Variants in EVL observed in about 807,000 individuals in gnomAD.
EVL encodes the protein Enah/Vasp-like, also known as ena/VASP-like protein.
EVL carries 21 observed loss-of-function variants against 59.6 expected under a neutral mutation model. The observed-to-expected ratio is 0.35, with a 90% CI of 0.25 to 0.51. The LOEUF (loss-of-function observed/expected upper bound fraction) is 0.51, where lower values mean the gene tolerates loss of function less well. Among genes scored for constraint, EVL ranks in the 20% least tolerant of loss-of-function variants. EVL has a pLI of 0.97. For synonymous variants in EVL, 198 were observed against 203.5 expected, an observed-to-expected ratio of 0.97 and a Z score of 0.23; for missense variants, 462 against 546.6, an observed-to-expected ratio of 0.85 and a Z score of 1.54.
rs114481889 is a variant in EVL, at chr14:99,989,496, A to T, written c.5+17439A>T. ...TCCCATATCTTTATAATAAAGTCAT[A>T]ACTCCTAGAGAGTATGCAAAGTCTT... On this transcript the variant is annotated intron_variant, in intron 1 of 13. Coordinates refer to the EVL transcript ENST00000402714. 4.3e-3 allele frequency among the ~76,000 whole-genome samples: 660 copies of T among 152,316 alleles called. 4 individuals are homozygous for T. The highest frequency in any genetic ancestry group is 0.015 in the African/African-American group (629 of 41,582).
chr14:100,092,454 G>C (rs973239668), intron 2 of EVL, among the ~76,000 whole-genome samples: 6 of 152,178 alleles, frequency 3.9e-5, no homozygotes, highest in African/African-American at 7.2e-5. Context: ...TAAGAATTCA[G>C]CCAGACTCAG....
intron 1 of EVL, among the ~76,000 whole-genome samples, chr14:100,006,019 C>CG (rs1555411924): frequency 9.3e-5 from 14 of 151,036 alleles, no homozygotes; most frequent in African/African-American, 3.4e-4. Flanking sequence ...TCCCCCCCCC[C>CG]CCCCACACCG....
At chr14:100,062,222 G>A (rs77368566), upstream of EVL, among the ~76,000 whole-genome samples, 300 of 149,504 alleles carry the variant, frequency 2.0e-3, no homozygotes, top group African/African-American at 3.0e-3. Flanking sequence ...ATATATATAT[G>A]TATATATATA....
At chr14:99,998,976 A>C (rs1020887253) in intron 1 of EVL, among the ~76,000 whole-genome samples, 19 of 152,020 alleles carry the variant, frequency 1.2e-4, no homozygotes, top group African/African-American at 4.3e-4. Context: ...TATACTGTCT[A>C]TACTTTTATA....
At chr14:100,138,278 C>G (rs887495409) in intron 11 of EVL, 1 of 166,006 alleles carries the variant, frequency 6.0e-6, no homozygotes. Flanking sequence ...AGCCCTACCC[C>G]TTTCCTCCAG....
chr14:100,088,891 T>C (rs981160751), intron 2 of EVL, among the ~76,000 whole-genome samples: 1 of 152,150 alleles, frequency 6.6e-6, no homozygotes, highest in African/African-American at 2.4e-5. Flanking sequence ...ATTTTTAAAA[T>C]AAAGCTGATA....
chr14:100,064,968 C>T (rs1302780679), upstream of EVL, among the ~76,000 whole-genome samples: 1 of 152,176 alleles, frequency 6.6e-6, no homozygotes, highest in East Asian at 1.9e-4. Context: ...GTCTTCTATT[C>T]TCTGGAGAGT....
At chr14:100,042,242 G>C (rs752701675) in intron 1 of EVL, among the ~76,000 whole-genome samples, 5 of 152,038 alleles carry the variant, frequency 3.3e-5, no homozygotes, top group Non-Finnish European at 5.9e-5. Context: ...TCAAGTGCTC[G>C]GTAGTCACAC....
At chr14:100,124,472 G>A (rs1029771826) in intron 4 of EVL, among the ~76,000 whole-genome samples, 1 of 152,212 alleles carries the variant, frequency 6.6e-6, no homozygotes, top group Non-Finnish European at 1.5e-5. Flanking sequence ...CCGTTTCCCG[G>A]TTTGAAGATG....
rs917238620 is a variant in EVL at position 100,127,388 on chromosome 14, C to T, written c.487+617C>T. Among the ~76,000 whole-genome samples, 1 of 152,194 alleles carries T rather than the reference C, an allele frequency of 6.6e-6. No individual in the cohort carries two copies. Among genetic ancestry groups the T allele is most frequent in the Non-Finnish European group, 1.5e-5 (1 of 68,040 alleles). ...TTTCTCAAACACCCTATGAAGTGAG[C>T]AGGTGACTATTATCCTGTTGACTGA... On this transcript the variant is annotated intron_variant, in intron 5 of 13. Transcript: ENST00000392920. The surrounding 1 kb of genome is among the most constrained non-coding windows in gnomAD (Gnocchi z 4.2).
At chr14:99,987,312 G>A (rs994480874) in intron 1 of EVL, among the ~76,000 whole-genome samples, 39 of 152,140 alleles carry the variant, frequency 2.6e-4, no homozygotes, top group Non-Finnish European at 4.7e-4. Context: ...AGGTCATGAG[G>A]GTTGAACTCT....
chr14:100,050,436 A>C (rs1206740357), intron 1 of EVL, among the ~76,000 whole-genome samples: 3 of 149,646 alleles, frequency 2.0e-5, no homozygotes, highest in Non-Finnish European at 3.0e-5. Flanking sequence ...TGCCAACTCC[A>C]CCTCCTGGGT....
At chr14:100,022,871 G>A (rs1044677653) in intron 1 of EVL, among the ~76,000 whole-genome samples, 3 of 152,144 alleles carry the variant, frequency 2.0e-5, no homozygotes, top group East Asian at 3.9e-4. Context: ...TCAGGAGAAC[G>A]TGTGGAAAAG....
chr14:100,133,680 G>A (rs952204901), intron 8 of EVL, among the ~76,000 whole-genome samples: 2 of 152,056 alleles, frequency 1.3e-5, no homozygotes, highest in Non-Finnish European at 2.9e-5. Flanking sequence ...CTTCACACTT[G>A]TAGTCCCAGC....
chr14:100,113,547 T>A (rs1887136516), intron 3 of EVL, among the ~76,000 whole-genome samples: 1 of 152,152 alleles, frequency 6.6e-6, no homozygotes, highest in South Asian at 2.1e-4. Flanking sequence ...AGAATCAGTC[T>A]GCTCATCGTG....
intron 1 of EVL, among the ~76,000 whole-genome samples, chr14:100,058,877 G>A (rs2061776206): frequency 6.6e-6 from 1 of 152,116 alleles, no homozygotes; most frequent in Non-Finnish European, 1.5e-5. Flanking sequence ...ATCTACGTAC[G>A]TGTAATTGGA....
At chr14:100,007,102 C>A (rs2060987331) in intron 1 of EVL, among the ~76,000 whole-genome samples, 1 of 152,004 alleles carries the variant, frequency 6.6e-6, no homozygotes, top group Non-Finnish European at 1.5e-5. Context: ...AGACGTGCGC[C>A]TGTCACACAG....
chr14:100,053,680 A>G (rs1482050005), intron 1 of EVL, among the ~76,000 whole-genome samples: 1 of 152,246 alleles, frequency 6.6e-6, no homozygotes, highest in Non-Finnish European at 1.5e-5. Flanking sequence ...TGAATTGCAC[A>G]CTGTAAAACT....
In EVL at chr14:100,045,587, G is replaced by A. The variant is rs116521070; in HGVS notation, c.6-39100G>A. 6.7e-3 allele frequency among the ~76,000 whole-genome samples: 1,022 copies of A among 152,344 alleles called. 8 individuals are homozygous for A. The highest frequency in any genetic ancestry group is 0.023 in the African/African-American group (969 of 41,568). ...CAGCACTCAGTCAAGTTGAAAGGACGGGATTAATCTTCCATTTTGTCAATG... is the reference window on the plus strand; with the variant it reads ...CAGCACTCAGTCAAGTTGAAAGGACAGGATTAATCTTCCATTTTGTCAATG... On this transcript the variant is annotated intron_variant, in intron 1 of 13. Coordinates refer to the EVL transcript ENST00000402714.
Sources: allele counts gnomAD v4.1 joint callset (sites outside exome capture counted in the v4.1 genomes callset), GRCh38; gene constraint gnomAD v4.1.1; non-coding constraint Gnocchi (gnomAD v3.1); transcripts MANE v1.5; gene names NCBI Gene and HGNC (gene_info 2026-07-23, HGNC 2026-07-21).